Variants in SHISA6 observed in about 807,000 individuals in gnomAD.
SHISA6 encodes the protein shisa family member 6.
Under a neutral mutation model 47.9 loss-of-function variants are expected in SHISA6, and 22 were observed. The observed-to-expected ratio is 0.46, with a 90% confidence interval of 0.33 to 0.66. The LOEUF (loss-of-function observed/expected upper bound fraction) is 0.66. Ranked by LOEUF, SHISA6 falls within the 30% of genes least tolerant of loss-of-function variation. SHISA6 has a pLI of 0.02. For synonymous variants in SHISA6, 388 were observed against 337.8 expected (o/e 1.15, Z -1.63); for missense variants, 680 against 764.6 (o/e 0.89, Z 1.30).
At chr17:11,544,561 C>T (rs555611336) in intron 3 of SHISA6, among the ~76,000 whole-genome samples, 267 of 152,258 alleles carry the variant, frequency 1.8e-3, no homozygotes, top group African/African-American at 6.1e-3. Flanking sequence ...AGTGACAACG[C>T]CAAATACTGG....
At chr17:11,367,396 A>C (rs1457403438) in intron 2 of SHISA6, among the ~76,000 whole-genome samples, 1 of 152,228 alleles carries the variant, frequency 6.6e-6, no homozygotes. Context: ...TGAACAACAG[A>C]GTTCCTTTCC....
At chr17:11,261,222 T>A (rs926586426) in intron 1 of SHISA6, among the ~76,000 whole-genome samples, 20 of 152,070 alleles carry the variant, frequency 1.3e-4, no homozygotes, top group Non-Finnish European at 2.8e-4. Flanking sequence ...CAGAGGGTAC[T>A]GGGAAAGGAA....
At chr17:11,347,985 A>T (rs1911755890) in intron 2 of SHISA6, among the ~76,000 whole-genome samples, 1 of 152,174 alleles carries the variant, frequency 6.6e-6, no homozygotes, top group Non-Finnish European at 1.5e-5. Context: ...AGTGAACAGG[A>T]TTGTTTTTGG....
chr17:11,265,983 T>C (rs776752138), intron 2 of SHISA6, among the ~76,000 whole-genome samples: 3 of 152,220 alleles, frequency 2.0e-5, no homozygotes, highest in Non-Finnish European at 4.4e-5. Flanking sequence ...CGCTTAGAGA[T>C]GGGAATAGTA....
chr17:11,467,658 T>A (rs2142318906), intron 3 of SHISA6, among the ~76,000 whole-genome samples: 1 of 152,314 alleles, frequency 6.6e-6, no homozygotes, highest in South Asian at 2.1e-4. Context: ...TCCTCTTAAC[T>A]GGTTCTCACC....
intron 2 of SHISA6, among the ~76,000 whole-genome samples, chr17:11,278,651 C>A (rs1179452807): frequency 1.3e-5 from 2 of 152,236 alleles, no homozygotes; most frequent in Non-Finnish European, 2.9e-5. Context: ...GATCAAGACC[C>A]CGCTGTGGGT....
chr17:11,412,575 T>A (rs1914152016), intron 3 of SHISA6, among the ~76,000 whole-genome samples: 1 of 151,726 alleles, frequency 6.6e-6, no homozygotes, highest in African/African-American at 2.4e-5. Flanking sequence ...AGAGTCTCAC[T>A]CTGTCGCTCA....
intron 2 of SHISA6, among the ~76,000 whole-genome samples, chr17:11,282,023 G>A (rs1909136184): frequency 1.3e-5 from 2 of 152,028 alleles, no homozygotes; most frequent in African/African-American, 4.8e-5. Context: ...ATCTTTGCTT[G>A]GTCTCTTGGA....
At chr17:11,348,640 G>A (rs16944617) in intron 2 of SHISA6, among the ~76,000 whole-genome samples, 32,864 of 151,810 alleles carry the variant, frequency 0.22, 3,968 homozygotes, top group African/African-American at 0.31. Flanking sequence ...GTCCTCAGCA[G>A]TGTCTACCCT....
In SHISA6 at chr17:11,349,295, C is replaced by A. The variant is rs1204031122; in HGVS notation, c.800-30119C>A. On this transcript the variant is annotated intron_variant, in intron 2 of 5. Transcript: ENST00000441885. ...CAAAGGTATTATTTTGTTCATAGTG[C>A]AGCTTTCACATTGGGCCAGAAAGAA... Among the ~76,000 whole-genome samples, 13 of 152,182 alleles carry A rather than the reference C, an allele frequency of 8.5e-5. No homozygotes were observed. In the East Asian group the frequency reaches 2.5e-3, roughly 29 times the overall value.
intron 3 of SHISA6, among the ~76,000 whole-genome samples, chr17:11,473,755 TTTTAC>T (rs1375165932): frequency 2.0e-5 from 3 of 152,192 alleles, no homozygotes; most frequent in African/African-American, 4.8e-5. Context: ...TTTTTTTGTA[TTTTAC>T]TTTAAGTTTC....
At chr17:11,299,448 C>T (rs141324875) in intron 2 of SHISA6, among the ~76,000 whole-genome samples, 4 of 152,122 alleles carry the variant, frequency 2.6e-5, no homozygotes, top group East Asian at 1.9e-4. Flanking sequence ...AAACAAATTA[C>T]CGCAGATTTA....
chr17:11,536,231 A>C (rs1426648909), intron 3 of SHISA6, among the ~76,000 whole-genome samples: 1 of 152,190 alleles, frequency 6.6e-6, no homozygotes, highest in African/African-American at 2.4e-5. Flanking sequence ...ATAGTATGTC[A>C]GGTACACTCA....
intron 3 of SHISA6, among the ~76,000 whole-genome samples, chr17:11,458,998 T>C (rs1915626317): frequency 6.6e-6 from 1 of 151,384 alleles, no homozygotes; most frequent in Non-Finnish European, 1.5e-5. Flanking sequence ...GAGGTCAGGA[T>C]CAGGAGATCG....
chr17:11,277,241 TTCTCTC>T (rs139388009), intron 2 of SHISA6, among the ~76,000 whole-genome samples: 4,859 of 77,688 alleles, frequency 0.063, 106 homozygotes, highest in Non-Finnish European at 0.073. Flanking sequence ...CGGTTTCTCT[TTCTCTC>T]TCTCTCTCTC....
intron 2 of SHISA6, among the ~76,000 whole-genome samples, chr17:11,351,503 C>T (rs938710355): frequency 6.6e-6 from 1 of 152,184 alleles, no homozygotes; most frequent in Non-Finnish European, 1.5e-5. Context: ...TCAACTCAAG[C>T]ATTACCTCCT....
intron 2 of SHISA6, among the ~76,000 whole-genome samples, chr17:11,273,289 G>A (rs1444694519): frequency 2.0e-5 from 3 of 152,272 alleles, no homozygotes; most frequent in Non-Finnish European, 4.4e-5. Context: ...ACAGGGCCCC[G>A]GGAGCCCCCT....
chr17:11,534,115 G>A (rs2071763856), intron 3 of SHISA6, among the ~76,000 whole-genome samples: 1 of 150,076 alleles, frequency 6.7e-6, no homozygotes, highest in Non-Finnish European at 1.5e-5. Flanking sequence ...AAATAGCTGG[G>A]ATTACAGGCG....
intron 3 of SHISA6, among the ~76,000 whole-genome samples, chr17:11,508,336 T>C (rs2071517171): frequency 6.9e-6 from 1 of 145,968 alleles, no homozygotes; most frequent in Non-Finnish European, 1.5e-5. Context: ...ACACCTCACA[T>C]GGCAGAAGAC....
Sources: gnomAD v4.1 joint callset for allele counts (sites outside exome capture counted in the v4.1 genomes callset) on GRCh38, gnomAD v4.1.1 for gene constraint, MANE v1.5 for transcripts, NCBI Gene and HGNC (gene_info 2026-07-23, HGNC 2026-07-21) for gene names.